KDM4C: variants seen among roughly 807,000 people sequenced by gnomAD.
The protein encoded by KDM4C is lysine-specific demethylase 4C.
In KDM4C, 81 loss-of-function variants were observed where a neutral mutation model predicts 129.3. The ratio of observed to expected loss-of-function variants is 0.63; its 90% CI spans 0.52 to 0.75. The LOEUF (loss-of-function observed/expected upper bound fraction) is 0.75, where lower values mean the gene tolerates loss of function less well. Ranked by LOEUF, KDM4C falls within the 30% of genes least tolerant of loss-of-function variation. KDM4C has a pLI of 0.00. For missense variants in KDM4C, 1,457 were observed against 1,304.0 expected, an observed-to-expected ratio of 1.12 and a Z score of -1.81; for synonymous variants, 573 against 456.1, an observed-to-expected ratio of 1.26 and a Z score of -3.26.
At chr9:7,077,604 C>T (rs148950997) in intron 17 of KDM4C, among the ~76,000 whole-genome samples, 1 of 152,162 alleles carries the variant, frequency 6.6e-6, no homozygotes, top group Non-Finnish European at 1.5e-5. Flanking sequence ...ACTGCTCAAC[C>T]ATTTTGCTGG....
At chr9:7,021,877 A>T (rs1054216420) in intron 15 of KDM4C, among the ~76,000 whole-genome samples, 1 of 152,132 alleles carries the variant, frequency 6.6e-6, no homozygotes, top group Admixed American at 6.5e-5. Flanking sequence ...CCATTTAAGT[A>T]TCTAGTTTTC....
At chr9:7,170,126 G>T in intron 21 of KDM4C, 1 of 1,396,482 alleles carries the variant, frequency 7.2e-7, no homozygotes, top group Non-Finnish European at 9.4e-7. Context: ...ATGCTTCTTT[G>T]TGTTGACATT....
At chr9:6,953,328 T>C (rs919208816) in intron 8 of KDM4C, among the ~76,000 whole-genome samples, 2 of 152,250 alleles carry the variant, frequency 1.3e-5, no homozygotes, top group African/African-American at 2.4e-5. Flanking sequence ...TTCCCGCCTT[T>C]ATTTTTTGAA....
Position 6,729,204 on chromosome 9 carries a change from CAAAAAAAAA to C in KDM4C, c.49+8222_49+8230del, listed in dbSNP as rs1186478804. Among the ~76,000 whole-genome samples the C allele has an allele frequency of 5.0e-4, 16 of 32,102 alleles. No homozygotes were observed. In the Middle Eastern group the frequency reaches 0.075, roughly 150 times the overall value. The allele number at this position is 32,102 out of a possible 152,430, so 21.1% of individuals were successfully genotyped here. A position where few individuals can be genotyped will look rare whatever the true frequency, so the allele number is the denominator to read the frequency against. On this transcript the variant is annotated intron_variant, in intron 1 of 17. Transcript: ENST00000536108. ...GGGCGACAGAGCAAAGCTCCGTCTC[CAAAAAAAAA>C]AAAAAAAAAAAAAAGAAGAAGAAAA... is the stretch of plus-strand genomic sequence containing the variant.
chr9:6,887,523 G>A (rs983688660), intron 6 of KDM4C, among the ~76,000 whole-genome samples: 1 of 152,152 alleles, frequency 6.6e-6, no homozygotes, highest in Non-Finnish European at 1.5e-5. Context: ...GCTGTATGCC[G>A]AGGATTGGGA....
intron 19 of KDM4C, among the ~76,000 whole-genome samples, chr9:7,158,567 C>T (rs1185854706): frequency 6.6e-6 from 1 of 152,168 alleles, no homozygotes. Flanking sequence ...TTTCAGAGAA[C>T]ATCTTTATGT....
chr9:6,902,512 C>G (rs2130989105), intron 8 of KDM4C, among the ~76,000 whole-genome samples: 1 of 152,238 alleles, frequency 6.6e-6, no homozygotes, highest in South Asian at 2.1e-4. Context: ...TTCTGTGAGG[C>G]TTAGTTTTCC....
intron 1 of KDM4C, among the ~76,000 whole-genome samples, chr9:6,721,778 C>T (rs1386641305): frequency 4.0e-5 from 6 of 151,804 alleles, no homozygotes; most frequent in African/African-American, 1.4e-4. Context: ...TTAGTAGAGA[C>T]TGGGTTTCAT....
chr9:7,032,492 TA>T (rs1471704140), intron 15 of KDM4C, among the ~76,000 whole-genome samples: 1 of 152,250 alleles, frequency 6.6e-6, no homozygotes, highest in African/African-American at 2.4e-5. Context: ...ACTTTGGACC[TA>T]TGTGTTCAGA....
intron 4 of KDM4C, among the ~76,000 whole-genome samples, chr9:6,833,480 A>G (rs1193688811): frequency 6.6e-6 from 1 of 152,226 alleles, no homozygotes; most frequent in Non-Finnish European, 1.5e-5. Flanking sequence ...ACGTGGCTTC[A>G]GAAACAATAG....
chr9:7,091,209 A>G (rs78397920), intron 17 of KDM4C, among the ~76,000 whole-genome samples: 5,111 of 152,254 alleles, frequency 0.034, 119 homozygotes, highest in Non-Finnish European at 0.053. Flanking sequence ...TGTCACTGTC[A>G]TGAGATTGGC....
At chr9:6,802,830 CTT>C in intron 2 of KDM4C, among the ~76,000 whole-genome samples, 1 of 152,226 alleles carries the variant, frequency 6.6e-6, no homozygotes, top group Non-Finnish European at 1.5e-5. Context: ...TGATCTTAAA[CTT>C]CTGACCTCAG....
chr9:6,804,679 A>T (rs565497709), intron 2 of KDM4C, among the ~76,000 whole-genome samples: 10 of 149,598 alleles, frequency 6.7e-5, no homozygotes, highest in African/African-American at 2.2e-4. Context: ...AATCGCTTGA[A>T]CCCAGGGAAG....
chr9:6,958,467 A>G (rs147705096), intron 8 of KDM4C, among the ~76,000 whole-genome samples: 5,604 of 151,914 alleles, frequency 0.037, 200 homozygotes, highest in African/African-American at 0.087. Flanking sequence ...TGCACCTGTA[A>G]TCTCAGCTAC....
At chr9:6,776,605 T>TA (rs1042761180) in intron 1 of KDM4C, among the ~76,000 whole-genome samples, 6 of 149,228 alleles carry the variant, frequency 4.0e-5, no homozygotes, top group Non-Finnish European at 7.4e-5. Flanking sequence ...CCACTTTTTT[T>TA]TTTTTTTTTT....
intron 4 of KDM4C, among the ~76,000 whole-genome samples, chr9:6,844,770 C>G (rs1409225213): frequency 6.6e-6 from 1 of 152,178 alleles, no homozygotes; most frequent in African/African-American, 2.4e-5. Flanking sequence ...TCACCACAAC[C>G]TCTGCCTCCC....
chr9:6,827,559 A>G (rs894738913), intron 4 of KDM4C, among the ~76,000 whole-genome samples: 29 of 152,270 alleles, frequency 1.9e-4, no homozygotes, highest in African/African-American at 7.0e-4. Context: ...GCTCTTGGAC[A>G]GCAAATTTAT....
At chr9:7,000,977 G>A (rs892343662) in intron 12 of KDM4C, among the ~76,000 whole-genome samples, 1 of 152,156 alleles carries the variant, frequency 6.6e-6, no homozygotes, top group Non-Finnish European at 1.5e-5. Context: ...GTCCTGGCTG[G>A]CAACATTCTA....
chr9:6,897,339 C>T (rs1816628044), intron 8 of KDM4C, among the ~76,000 whole-genome samples: 1 of 152,146 alleles, frequency 6.6e-6, no homozygotes, highest in Non-Finnish European at 1.5e-5. Context: ...CTGATAATGG[C>T]CCAGGCCTTA....
Sources: gnomAD v4.1 joint callset for allele counts (sites outside exome capture counted in the v4.1 genomes callset) on GRCh38, gnomAD v4.1.1 for gene constraint, MANE v1.5 for transcripts, NCBI Gene and HGNC (gene_info 2026-07-23, HGNC 2026-07-21) for gene names.